UGT3A1: variants seen among roughly 807,000 people sequenced by gnomAD.
UGT3A1 encodes the protein UDP glycosyltransferase family 3 member A1.
Under a neutral mutation model 37.6 loss-of-function variants are expected in UGT3A1, and 40 were observed. That is an observed-to-expected ratio of 1.06 (90% CI 0.83 to 1.38). The LOEUF is 1.38. UGT3A1 is among the 40% of genes most tolerant of loss of function. The pLI is 0.00. For missense variants in UGT3A1, 642 were observed against 634.2 expected, an observed-to-expected ratio of 1.01 and a Z score of -0.13; for synonymous variants, 256 against 232.3, an observed-to-expected ratio of 1.10 and a Z score of -0.93.
At chr5:35,958,959 G>A (rs747100143) in intron 4 of UGT3A1, among the ~76,000 whole-genome samples, 7 of 152,194 alleles carry the variant, frequency 4.6e-5, no homozygotes, top group African/African-American at 7.2e-5. Context: ...GTACCATGAC[G>A]TATGAAAGCT....
chr5:35,998,060 T>C (rs530721605), intron 1 of UGT3A1, among the ~76,000 whole-genome samples: 4 of 152,326 alleles, frequency 2.6e-5, no homozygotes, highest in East Asian at 3.9e-4. Flanking sequence ...TTCTCCCTTA[T>C]GGCTCAACCT....
intron 2 of UGT3A1, among the ~76,000 whole-genome samples, chr5:35,972,887 GA>G (rs5867299): frequency 0.018 from 2,619 of 147,002 alleles, 76 homozygotes; most frequent in African/African-American, 0.061. Context: ...TGTCTGCCCT[GA>G]AAAAAAAAAA....
intron 2 of UGT3A1, among the ~76,000 whole-genome samples, chr5:35,982,324 AG>A (rs1234958342): frequency 6.6e-6 from 1 of 152,268 alleles, no homozygotes; most frequent in African/African-American, 2.4e-5. Context: ...AGATCATTAA[AG>A]CAGCCATAGG....
At position 35,983,141 on chromosome 5, in the gene UGT3A1, CAG is replaced by C. The variant is rs537918090; in HGVS notation, c.196+5307_196+5308del. Among the ~76,000 whole-genome samples, 292 of 150,610 alleles carry C rather than the reference CAG, an allele frequency of 1.9e-3. 2 individuals are homozygous for C. Among genetic ancestry groups the C allele is most frequent in the Middle Eastern group, 6.8e-3 (2 of 294 alleles). ...GCAGTTCTATATAGTAATGTGAAAACAGATTAATACACCAGACTAAAAAATAA... is the reference window on the plus strand; with the variant it reads ...GCAGTTCTATATAGTAATGTGAAAACATTAATACACCAGACTAAAAAATAA... On this transcript the variant is annotated intron_variant, in intron 2 of 6. Transcript: ENST00000274278.
chr5:35,993,238 G>A (rs955776347), upstream of UGT3A1, among the ~76,000 whole-genome samples: 3 of 152,106 alleles, frequency 2.0e-5, no homozygotes, highest in East Asian at 3.9e-4. Flanking sequence ...GGCCAAGGCG[G>A]GTGGATCACA....
rs1739262934 is a variant in UGT3A1, at chr5:35,954,202, T to C, written c.1572A>G (p.Ter524TrpextTer2). 1 of 1,613,606 alleles carries C rather than the reference T, an allele frequency of 6.2e-7. No homozygotes were observed. Among genetic ancestry groups the C allele is most frequent in the Non-Finnish European group, 8.5e-7 (1 of 1,179,818 alleles). Reference protein sequence around the residue: ...LRGARKVKKT* With the variant: ...LRGARKVKKTW ...CCCTCACCCAAGGCTACACCTAGCC[T>C]CATGTCTTCTTCACCTTCCTGGCCC... The change falls in exon 7 of 7, where the codon TGA (stop) becomes TGG (tryptophan). Residue 524 changes from the stop codon to tryptophan (W), a stop_lost. Coordinates refer to ENST00000274278, the MANE Select transcript of UGT3A1 (RefSeq NM_152404.4).
At chr5:35,992,914 G>T (rs369621059), upstream of UGT3A1, among the ~76,000 whole-genome samples, 1 of 152,028 alleles carries the variant, frequency 6.6e-6, no homozygotes, top group Non-Finnish European at 1.5e-5. Context: ...TCTCCCTTTT[G>T]GTTCCTAAAT....
chr5:35,983,975 T>C (rs1007082501), intron 2 of UGT3A1, among the ~76,000 whole-genome samples: 2 of 152,166 alleles, frequency 1.3e-5, no homozygotes, highest in African/African-American at 4.8e-5. Flanking sequence ...TGAAAGCCTT[T>C]CCTCTAAGAT....
intron 2 of UGT3A1, among the ~76,000 whole-genome samples, chr5:35,972,739 T>C (rs1168097867): frequency 6.6e-6 from 1 of 152,174 alleles, no homozygotes; most frequent in Admixed American, 6.6e-5. Context: ...TGTTCTGGGA[T>C]ATTTATATCA....
chr5:35,983,847 C>T (rs1740626796), intron 2 of UGT3A1, among the ~76,000 whole-genome samples: 1 of 151,880 alleles, frequency 6.6e-6, no homozygotes, highest in Non-Finnish European at 1.5e-5. Flanking sequence ...AAATTCAACA[C>T]CTTTTTATGA....
intron 2 of UGT3A1, among the ~76,000 whole-genome samples, chr5:35,975,380 C>T (rs1740224011): frequency 6.6e-6 from 1 of 152,178 alleles, no homozygotes; most frequent in South Asian, 2.1e-4. Flanking sequence ...TTACATTGGA[C>T]CAATTCCATT....
intron 2 of UGT3A1, among the ~76,000 whole-genome samples, chr5:35,982,138 G>C (rs572407724): frequency 6.6e-6 from 1 of 152,372 alleles, no homozygotes; most frequent in South Asian, 2.1e-4. Context: ...CCAGGTAGAA[G>C]TCTGCTGCAG....
intron 4 of UGT3A1, among the ~76,000 whole-genome samples, chr5:35,959,442 A>G (rs887197259): frequency 3.3e-5 from 5 of 152,178 alleles, no homozygotes; most frequent in South Asian, 2.1e-4. Flanking sequence ...AAAACATGGG[A>G]AAAAAACTAA....
At chr5:35,968,387 A>G (rs1256812175) in intron 2 of UGT3A1, among the ~76,000 whole-genome samples, 1 of 152,212 alleles carries the variant, frequency 6.6e-6, no homozygotes, top group Non-Finnish European at 1.5e-5. Context: ...TTTCATTTAA[A>G]GGAACAGCTA....
In UGT3A1 at chr5:35,974,016, T is replaced by C. The variant is rs1232450561; in HGVS notation, c.197-5883A>G. 2.0e-5 allele frequency among the ~76,000 whole-genome samples: 3 copies of C among 152,096 alleles called. No homozygotes were observed. The East Asian group carries it at 5.8e-4, about 29-fold the overall frequency. Reference sequence around the variant, plus strand: ...GTCCTAAATAGATTAAACAAAAGTATAACTTCAATTACAAAAACACAGACC... The same window carrying C: ...GTCCTAAATAGATTAAACAAAAGTACAACTTCAATTACAAAAACACAGACC... On this transcript the variant is annotated intron_variant, in intron 2 of 6. Coordinates refer to ENST00000274278, the MANE Select transcript of UGT3A1 (RefSeq NM_152404.4).
At chr5:35,971,525 C>T (rs888003950) in intron 2 of UGT3A1, among the ~76,000 whole-genome samples, 3 of 151,682 alleles carry the variant, frequency 2.0e-5, no homozygotes, top group African/African-American at 7.3e-5. Flanking sequence ...CTAGGGCATA[C>T]AGAAAAAGAA....
chr5:35,968,179 A>T (rs771660408), intron 2 of UGT3A1, 46 bp from the exon 3 acceptor site: 1 of 1,099,546 alleles, frequency 9.1e-7, no homozygotes, highest in South Asian at 1.4e-5. Flanking sequence ...ATCATACAAC[A>T]TGGATTAACA....
intron 2 of UGT3A1, among the ~76,000 whole-genome samples, chr5:35,985,293 C>T (rs7727279): frequency 0.23 from 34,796 of 151,750 alleles, 4,391 homozygotes; most frequent in Non-Finnish European, 0.28. Context: ...CTAAAGCAAA[C>T]GTACAAATTC....
chr5:35,961,479 A>G (rs1739581358), intron 4 of UGT3A1: 1 of 152,242 alleles, frequency 6.6e-6, no homozygotes, highest in African/African-American at 2.4e-5. Flanking sequence ...CACAGAAATA[A>G]CAAGTGAAAA....
Sources: gnomAD v4.1 joint callset for allele counts (sites outside exome capture counted in the v4.1 genomes callset) on GRCh38, gnomAD v4.1.1 for gene constraint, MANE v1.5 for transcripts, NCBI Gene and HGNC (gene_info 2026-07-23, HGNC 2026-07-21) for gene names.